Variants in ARHGAP17 observed in about 807,000 individuals in gnomAD.
The protein encoded by ARHGAP17 is rho GTPase-activating protein 17.
A neutral mutation model predicts 99.5 loss-of-function variants in ARHGAP17; 57 were observed. That is an observed-to-expected ratio of 0.57 (90% CI 0.46 to 0.71). The LOEUF (loss-of-function observed/expected upper bound fraction) is 0.71, where lower values mean the gene tolerates loss of function less well. Ranked by LOEUF, ARHGAP17 falls within the 30% of genes least tolerant of loss-of-function variation. The pLI is 0.00. For missense variants in ARHGAP17, 1,000 were observed against 1,122.4 expected (o/e 0.89, Z 1.56); for synonymous variants, 417 against 429.6 (o/e 0.97, Z 0.36).
rs141475135 is a variant in ARHGAP17 at position 24,935,480 on chromosome 16, T to A, written c.1884A>T (p.Thr628=). The part of the protein sequence containing the change: ...PHNAAGPSPH[T]LRRAVKKPAP... ...ACGGTGGCTGCTTACCTCGGCGCAGTGTATGCGGGCTGGGCCCTGCAGCAT... is the reference window on the plus strand; with the variant it reads ...ACGGTGGCTGCTTACCTCGGCGCAGAGTATGCGGGCTGGGCCCTGCAGCAT... Residue 628 remains threonine, a synonymous_variant, in exon 18 of 20, where the codon ACA becomes ACT. Transcript: ENST00000289968. The A allele has an allele frequency of 4.4e-6, 7 of 1,600,972 alleles. No individual in the cohort carries two copies. The East Asian group carries it at 1.3e-4, about 31-fold the overall frequency.
intron 19 of ARHGAP17, among the ~76,000 whole-genome samples, chr16:24,922,394 T>C (rs1350502587): frequency 6.6e-6 from 1 of 152,180 alleles, no homozygotes; most frequent in East Asian, 1.9e-4. Flanking sequence ...ATACATCACA[T>C]ATACATAATT....
chr16:25,005,176 A>G (rs1327415380), intron 1 of ARHGAP17, among the ~76,000 whole-genome samples: 1 of 152,218 alleles, frequency 6.6e-6, no homozygotes, highest in East Asian at 1.9e-4. Flanking sequence ...TTGGCCTCCC[A>G]AAGTGCTGGG....
At chr16:24,936,792 G>A (rs775669144) in intron 17 of ARHGAP17, 1 of 151,870 alleles carries the variant, frequency 6.6e-6, no homozygotes, top group South Asian at 2.1e-4. Flanking sequence ...ATTTAGCCTT[G>A]ATTAAACAAA....
At chr16:25,008,110 C>A (rs1054225170) in intron 1 of ARHGAP17, among the ~76,000 whole-genome samples, 1 of 152,164 alleles carries the variant, frequency 6.6e-6, no homozygotes, top group African/African-American at 2.4e-5. Flanking sequence ...AAAAATTTAA[C>A]AGACTCTCAA....
At chr16:24,927,470 C>A (rs2050871612) in intron 19 of ARHGAP17, among the ~76,000 whole-genome samples, 1 of 152,202 alleles carries the variant, frequency 6.6e-6, no homozygotes, top group South Asian at 2.1e-4. Flanking sequence ...ACAAGGACAG[C>A]CCTGTGACCA....
At chr16:24,948,258 T>C (rs1313460479) in intron 13 of ARHGAP17, among the ~76,000 whole-genome samples, 1 of 152,134 alleles carries the variant, frequency 6.6e-6, no homozygotes, top group Non-Finnish European at 1.5e-5. Context: ...ACACTACCAT[T>C]TGGTTTTTTA....
At chr16:24,968,301 C>A in intron 6 of ARHGAP17, 50 bp downstream of exon 6, 3 of 1,592,860 alleles carry the variant, frequency 1.9e-6, no homozygotes, top group South Asian at 2.2e-5. Context: ...GGTCTTCTCC[C>A]CCGTGGTGGG....
In ARHGAP17 at chr16:24,939,417, A is replaced by G. The variant is rs2051246606; in HGVS notation, c.1671T>C (p.Thr557=). ...CCAGTATGCCCGCGGAAGAGGGGAC[A>G]GTCCCACCCCCAGAGCTGCTTTCAG... ...SRAESSSGGG[T]VPSSAGILEQ... The change falls in exon 17 of 20, where the codon ACT becomes ACC. Residue 557 remains threonine (T), a synonymous_variant. Transcript: ENST00000289968. 1.9e-6 allele frequency: 3 copies of G among 1,611,656 alleles called. No homozygotes were observed. Among genetic ancestry groups the G allele is most frequent in the African/African-American group, 2.7e-5 (2 of 75,026 alleles).
At position 24,968,500 on chromosome 16, in the gene ARHGAP17, C is replaced by T. The variant is rs115999010; in HGVS notation, c.385-73G>A. 3.3e-4 allele frequency: 519 copies of T among 1,578,164 alleles called. 4 individuals are homozygous for T. In the African/African-American group the frequency reaches 5.6e-3, roughly 17 times the overall value. On this transcript the variant is annotated intron_variant, in intron 5 of 19. Transcript: ENST00000289968. ...TTAACCATTTTAAAGTATTTACAAACGTTTTTTCTCTAAGGCAAAGGATTT... is the reference window on the plus strand; with the variant it reads ...TTAACCATTTTAAAGTATTTACAAATGTTTTTTCTCTAAGGCAAAGGATTT...
At chr16:25,005,536 T>C (rs745543970) in intron 1 of ARHGAP17, among the ~76,000 whole-genome samples, 2 of 152,252 alleles carry the variant, frequency 1.3e-5, no homozygotes, top group Non-Finnish European at 2.9e-5. Context: ...ATTCAGATTA[T>C]CTGTTTGTAG....
At chr16:24,968,239 T>C in intron 6 of ARHGAP17, 112 bp downstream of exon 6, 1 of 1,251,598 alleles carries the variant, frequency 8.0e-7, no homozygotes, top group South Asian at 1.3e-5. Context: ...GCACCCAGTC[T>C]GGGGGTCAAA....
intron 13 of ARHGAP17, 57 bp downstream of exon 13, chr16:24,949,347 C>T (rs2051565826): frequency 7.2e-7 from 1 of 1,396,370 alleles, no homozygotes; most frequent in East Asian, 2.3e-5. Flanking sequence ...AATGACTTCT[C>T]TGCTGGGCAT....
chr16:25,013,549 G>A (rs1821077901), intron 1 of ARHGAP17, among the ~76,000 whole-genome samples: 2 of 151,914 alleles, frequency 1.3e-5, no homozygotes, highest in Admixed American at 6.6e-5. Flanking sequence ...TGAGCCCAGG[G>A]AAGTCAAGGC....
At chr16:24,930,479 G>A (rs568902928) in intron 19 of ARHGAP17, among the ~76,000 whole-genome samples, 40 of 152,238 alleles carry the variant, frequency 2.6e-4, no homozygotes, top group African/African-American at 8.9e-4. Flanking sequence ...TATAAGTCAG[G>A]GGTCGGCAAA....
rs190690615 is a variant in ARHGAP17, at chr16:24,935,316, T to C, written c.1894+154A>G. ...TCTCTATTTTTTCCTTTTTCTTTAA[T>C]GACTTTTCTCTTGAATGACTGAATT... On this transcript the variant is annotated intron_variant, in intron 18 of 19. Transcript: ENST00000289968. Among the ~76,000 whole-genome samples, 336 of 152,360 alleles carry C rather than the reference T, an allele frequency of 2.2e-3. 1 individual carries two copies. Among genetic ancestry groups the C allele is most frequent in the Non-Finnish European group, 1.7e-3 (113 of 68,030 alleles).
Position 24,999,848 on chromosome 16 carries a change from G to C in ARHGAP17, c.53+15361C>G, listed in dbSNP as rs530384351. 3.9e-5 allele frequency among the ~76,000 whole-genome samples: 6 copies of C among 152,230 alleles called. No homozygotes were observed. The South Asian group carries it at 1.2e-3, about 32-fold the overall frequency. On this transcript the variant is annotated intron_variant, in intron 1 of 19. Coordinates refer to ENST00000289968, the MANE Select transcript of ARHGAP17 (RefSeq NM_001006634.3). ...TTACATGAAAGCTTTAACCCATTTGGAATGTATTTTGGCATAGAGCAGTGA... is the reference window on the plus strand; with the variant it reads ...TTACATGAAAGCTTTAACCCATTTGCAATGTATTTTGGCATAGAGCAGTGA...
rs2050677848 is a variant in ARHGAP17 at position 24,920,002 on chromosome 16, G to A, written c.*128C>T. 8.0e-6 allele frequency: 11 copies of A among 1,382,024 alleles called. No individual in the cohort carries two copies. Among genetic ancestry groups the A allele is most frequent in the Admixed American group, 4.1e-5 (2 of 48,434 alleles). 85.6% of individuals were successfully genotyped at this position (1,382,024 alleles called of 1,614,324 possible). A position where few individuals can be genotyped will look rare whatever the true frequency, so the allele number is the denominator to read the frequency against. ...TGGGCCGTGCAGAAGGCCAGGTCCC[G>A]CACAGTGAGGCCCTCCTTTGTCCTC... On this transcript the variant is annotated 3_prime_UTR_variant, in exon 20 of 20. Coordinates refer to ENST00000289968, the MANE Select transcript of ARHGAP17 (RefSeq NM_001006634.3).
At chr16:24,946,105 A>T (rs951308507) in intron 14 of ARHGAP17, among the ~76,000 whole-genome samples, 1 of 152,166 alleles carries the variant, frequency 6.6e-6, no homozygotes, top group African/African-American at 2.4e-5. Flanking sequence ...GAAGCTTTCC[A>T]GCGGATCCCC....
chr16:24,972,089 C>T (rs1478802701), intron 3 of ARHGAP17, among the ~76,000 whole-genome samples: 39 of 152,256 alleles, frequency 2.6e-4, no homozygotes. Context: ...GGGTCCACCC[C>T]TGACATGTCA....
Sources: gnomAD v4.1 joint callset for allele counts (sites outside exome capture counted in the v4.1 genomes callset) on GRCh38, gnomAD v4.1.1 for gene constraint, MANE v1.5 for transcripts, NCBI Gene and HGNC (gene_info 2026-07-23, HGNC 2026-07-21) for gene names.